UBN2: variants seen among roughly 807,000 people sequenced by gnomAD.
UBN2 encodes the protein ubinuclein 2, also known as ubinuclein-2.
In UBN2, 35 loss-of-function variants were observed where a neutral mutation model predicts 120.2. The ratio of observed to expected loss-of-function variants is 0.29; its 90% confidence interval spans 0.22 to 0.39. UBN2 has a LOEUF of 0.39. Among genes scored for constraint, UBN2 ranks in the 10% least tolerant of loss-of-function variants. UBN2 has a pLI of 1.00. For missense variants in UBN2, 1,693 were observed against 1,663.2 expected (o/e 1.02, Z -0.31); for synonymous variants, 661 against 648.7 (o/e 1.02, Z -0.29).
rs777962568 is a variant in UBN2 at position 139,297,886 on chromosome 7, A to C, written c.*50A>C. 6.3e-7 allele frequency: 1 copy of C among 1,595,606 alleles called. No individual in the cohort carries two copies. Among genetic ancestry groups the C allele is most frequent in the Non-Finnish European group, 8.6e-7 (1 of 1,163,446 alleles). ...AATGTTTAGTTGACTGATGGAATCT[A>C]CCTGATGGGAAAGTACTTATGTGGT... On this transcript the variant is annotated 3_prime_UTR_variant, in exon 18 of 18. Transcript: ENST00000473989.
chr7:139,291,360 CAAAAAA>C (rs774759708), intron 15 of UBN2, among the ~76,000 whole-genome samples: 1 of 43,426 alleles, frequency 2.3e-5, no homozygotes, highest in African/African-American at 8.3e-5. Flanking sequence ...GACTCTGTCT[CAAAAAA>C]AAAAAAAAAA....
At chr7:139,243,025 A>G (rs1041204637) in intron 2 of UBN2, among the ~76,000 whole-genome samples, 4 of 152,184 alleles carry the variant, frequency 2.6e-5, no homozygotes, top group African/African-American at 9.6e-5. Context: ...ACTAGAGGTT[A>G]TCAATGAATG....
At position 139,275,317 on chromosome 7, in the gene UBN2, C is replaced by T. The variant is rs777623910; in HGVS notation, c.1974-780C>T. ...AAAAAAAAGTCGCTGGGCACGGTGG[C>T]TCACGCCTGTAATCCCAGCACTTTG... On this transcript the variant is annotated intron_variant, in intron 11 of 17. Coordinates refer to ENST00000473989, the MANE Select transcript of UBN2 (RefSeq NM_173569.4). Among the ~76,000 whole-genome samples the T allele has an allele frequency of 4.4e-4, 66 of 148,854 alleles. 1 individual carries two copies. Among genetic ancestry groups the T allele is most frequent in the Non-Finnish European group, 8.3e-4 (56 of 67,522 alleles).
chr7:139,284,289 A>G lies in UBN2; in HGVS notation c.3384A>G (p.Leu1128=). The change falls in exon 15 of 18, where the codon TTA becomes TTG. Residue 1128 remains leucine (L), a synonymous_variant. Coordinates refer to ENST00000473989, the MANE Select transcript of UBN2 (RefSeq NM_173569.4). ...NISRQSPTLN[L]LPSSRTSGLP... is the part of the protein sequence containing the mutation. ...GCAGACAGTCTCCCACCTTGAATTT[A>G]TTGCCCTCTAGTCGCACTTCAGGCC... is the stretch of plus-strand genomic sequence containing the variant. The G allele has an allele frequency of 1.2e-6, 2 of 1,614,138 alleles. No individual in the cohort carries two copies. The highest frequency in any genetic ancestry group is 1.7e-6 in the Non-Finnish European group (2 of 1,180,026).
intron 12 of UBN2, among the ~76,000 whole-genome samples, chr7:139,278,181 C>CTTT (rs75636576): frequency 6.7e-5 from 9 of 133,826 alleles, no homozygotes; most frequent in African/African-American, 1.1e-4. Context: ...CTCTCTCTGG[C>CTTT]TTTTTTTTTT....
chr7:139,274,151 A>G (rs1797371300), intron 11 of UBN2, 77 bp downstream of exon 11: 2 of 1,325,286 alleles, frequency 1.5e-6, no homozygotes, highest in Non-Finnish European at 2.0e-6. Flanking sequence ...ACACATACAC[A>G]TATGTGACAT....
intron 12 of UBN2, among the ~76,000 whole-genome samples, chr7:139,278,630 C>A (rs1797517225): frequency 1.3e-5 from 2 of 150,820 alleles, no homozygotes; most frequent in African/African-American, 2.4e-5. Flanking sequence ...AAAAAAAAAA[C>A]ATAGAAAATT....
At chr7:139,258,247 A>G (rs1164410196) in intron 3 of UBN2, among the ~76,000 whole-genome samples, 2 of 152,178 alleles carry the variant, frequency 1.3e-5, no homozygotes, top group Non-Finnish European at 2.9e-5. Flanking sequence ...TTTTCTTAGC[A>G]GGTGATATAT....
At position 139,305,807 on chromosome 7, in the gene UBN2, G is replaced by A. The variant is rs924914702; in HGVS notation, c.*7971G>A. 17 of 151,926 alleles carry A rather than the reference G, an allele frequency of 1.1e-4. No homozygotes were observed. The highest frequency in any genetic ancestry group is 3.9e-4 in the African/African-American group (16 of 41,338). The allele number at this position is 151,926 out of a possible 1,614,324, so 9.4% of individuals were successfully genotyped here. ...AATAGATTTTGCTACTGTATAATGCGGCATTTCATGACTTCCTCTTGTTAC... is the reference window on the plus strand; with the variant it reads ...AATAGATTTTGCTACTGTATAATGCAGCATTTCATGACTTCCTCTTGTTAC... On this transcript the variant is annotated 3_prime_UTR_variant, in exon 18 of 18. Coordinates refer to ENST00000473989, the MANE Select transcript of UBN2 (RefSeq NM_173569.4).
intron 11 of UBN2, among the ~76,000 whole-genome samples, 171 bp downstream of exon 11, chr7:139,274,245 A>G (rs532549449): frequency 1.3e-5 from 2 of 152,366 alleles, no homozygotes; most frequent in South Asian, 4.1e-4. Flanking sequence ...AAGCACTTAA[A>G]TGACAAAACA....
chr7:139,269,373 G>GT (rs766533613), intron 7 of UBN2, 21 bp from the exon 8 acceptor site: 1 of 1,612,306 alleles, frequency 6.2e-7, no homozygotes, highest in Non-Finnish European at 8.5e-7. Context: ...ACTGTTCATT[G>GT]TTGTTAACTT....
At chr7:139,248,529 AT>A (rs1796533200) in intron 2 of UBN2, among the ~76,000 whole-genome samples, 1 of 152,040 alleles carries the variant, frequency 6.6e-6, no homozygotes, top group Admixed American at 6.6e-5. Context: ...TTTATTGATC[AT>A]TTTCCATTGA....
intron 15 of UBN2, among the ~76,000 whole-genome samples, chr7:139,284,864 TTTAAAA>T (rs1797738056): frequency 6.6e-6 from 1 of 152,146 alleles, no homozygotes; most frequent in South Asian, 2.1e-4. Context: ...CTAAATCAAC[TTTAAAA>T]TTATTTGACA....
In UBN2 at chr7:139,258,556, A is replaced by G. The variant is rs568196064; in HGVS notation, c.732A>G (p.Leu244=). ...GCTTTTATATCAACACTGGCACTCT[A>G]CAGTTTCGCCAAGCTTCAGATACTG... The part of the protein sequence containing the change: ...YGGFYINTGT[L]QFRQASDTEE... Residue 244 remains leucine, a synonymous_variant, in exon 4 of 18, where the codon CTA becomes CTG. Coordinates refer to ENST00000473989, the MANE Select transcript of UBN2 (RefSeq NM_173569.4). The G allele has an allele frequency of 1.2e-5, 20 of 1,607,724 alleles. No homozygotes were observed. Among genetic ancestry groups the G allele is most frequent in the Admixed American group, 1.0e-4 (6 of 59,694 alleles).
intron 16 of UBN2, 130 bp from the exon 17 acceptor site, chr7:139,293,759 C>G: frequency 1.3e-6 from 1 of 798,526 alleles, no homozygotes; most frequent in Non-Finnish European, 2.0e-6. Flanking sequence ...TTTTCAAAAA[C>G]GTGCTCTAGT....
chr7:139,309,621 A>G (rs577804287), downstream of UBN2, among the ~76,000 whole-genome samples: 1 of 152,334 alleles, frequency 6.6e-6, no homozygotes, highest in South Asian at 2.1e-4. Flanking sequence ...TTAACATTAA[A>G]TTTTAAAAGG....
intron 16 of UBN2, 93 bp downstream of exon 16, chr7:139,293,556 G>A: frequency 4.5e-6 from 4 of 887,552 alleles, no homozygotes; most frequent in Non-Finnish European, 6.9e-6. Context: ...TCCAGTTGGA[G>A]TTAATGAAGA....
At chr7:139,319,980 G>GCAGGAGAATGGCGTGAACC in the UBN2 span, among the ~76,000 whole-genome samples, 1 of 152,038 alleles carries the variant, frequency 6.6e-6, no homozygotes, top group African/African-American at 2.4e-5. Context: ...GGAGGCCAAG[G>GCAGGAGAATGGCGTGAACC]CAGGAGAATG....
intron 6 of UBN2, among the ~76,000 whole-genome samples, chr7:139,263,633 G>A (rs1210873276): frequency 3.3e-5 from 5 of 151,934 alleles, no homozygotes; most frequent in Non-Finnish European, 5.9e-5. Flanking sequence ...AATTAGCCCC[G>A]CGTGGTGGCA....
Sources: gnomAD v4.1 joint callset for allele counts (sites outside exome capture counted in the v4.1 genomes callset) on GRCh38, gnomAD v4.1.1 for gene constraint, MANE v1.5 for transcripts, NCBI Gene and HGNC (gene_info 2026-07-23, HGNC 2026-07-21) for gene names.